DAPK2: variants seen among roughly 807,000 people sequenced by gnomAD.
DAPK2 encodes death associated protein kinase 2, also known as death-associated protein kinase 2.
In DAPK2, 35 loss-of-function variants were observed where a neutral mutation model predicts 44.1. That is an observed-to-expected ratio of 0.79 (90% CI 0.61 to 1.05). The LOEUF is 1.05. Ranked by LOEUF, DAPK2 falls within the 50% of genes least tolerant of loss-of-function variation. The probability of loss-of-function intolerance (pLI) is 0.00; values close to 1 mark genes in which losing one functional copy is unlikely to be tolerated. For synonymous variants in DAPK2, 174 were observed against 182.6 expected (o/e 0.95, Z 0.38); for missense variants, 453 against 483.2 (o/e 0.94, Z 0.59).
upstream of DAPK2, among the ~76,000 whole-genome samples, chr15:64,044,411 C>T (rs952705756): frequency 6.6e-6 from 1 of 152,144 alleles, no homozygotes; most frequent in Non-Finnish European, 1.5e-5. Flanking sequence ...CAGAGCAGTT[C>T]CACGTTATCC....
intron 1 of DAPK2, among the ~76,000 whole-genome samples, chr15:64,011,735 CA>C (rs2079395710): frequency 1.3e-5 from 2 of 152,180 alleles, no homozygotes; most frequent in South Asian, 4.1e-4. Flanking sequence ...TAAATTTAAG[CA>C]GTCAGATGTT....
chr15:64,044,590 G>C (rs1251233376), upstream of DAPK2, among the ~76,000 whole-genome samples: 2 of 152,142 alleles, frequency 1.3e-5, no homozygotes, highest in African/African-American at 2.4e-5. Context: ...TCTTCCCAGG[G>C]CTTCTTCTGT....
At chr15:64,016,029 G>A (rs2079516819) in intron 1 of DAPK2, among the ~76,000 whole-genome samples, 1 of 152,220 alleles carries the variant, frequency 6.6e-6, no homozygotes, top group Non-Finnish European at 1.5e-5. Context: ...GGAAGGCTTG[G>A]GTTCTTCAGG....
intron 3 of DAPK2, among the ~76,000 whole-genome samples, chr15:63,949,367 C>G (rs1233044393): frequency 6.6e-6 from 1 of 152,212 alleles, no homozygotes; most frequent in Non-Finnish European, 1.5e-5. Context: ...CATTCCAGGA[C>G]CACTGGCTTT....
chr15:63,950,107 A>G (rs1402610461), intron 3 of DAPK2, among the ~76,000 whole-genome samples: 3 of 152,228 alleles, frequency 2.0e-5, no homozygotes, highest in African/African-American at 4.8e-5. Flanking sequence ...AGGTTTTAGT[A>G]TGGAAATAGC....
rs569556549 is a variant in DAPK2, at chr15:64,022,495, C to T, written c.92+17675G>A. 1.3e-3 allele frequency among the ~76,000 whole-genome samples: 200 copies of T among 152,262 alleles called. 1 individual carries two copies. The highest frequency in any genetic ancestry group is 4.7e-3 in the African/African-American group (195 of 41,534). Reference sequence around the variant, plus strand: ...GGTGACTACTTCCGTAAAGAACTGACCACTTAAAATGTTTAAATGATCCTA... The same window carrying T: ...GGTGACTACTTCCGTAAAGAACTGATCACTTAAAATGTTTAAATGATCCTA... On this transcript the variant is annotated intron_variant, in intron 1 of 10. Coordinates refer to ENST00000261891, the Ensembl canonical transcript of DAPK2.
At chr15:63,929,343 C>T (rs1236297608) in intron 6 of DAPK2, among the ~76,000 whole-genome samples, 3 of 152,144 alleles carry the variant, frequency 2.0e-5, no homozygotes, top group African/African-American at 7.2e-5. Context: ...GAGGCTGCTC[C>T]CCTGGATGCC....
rs184595343 is a variant in DAPK2, at chr15:64,012,453, G to A, written c.92+27717C>T. On this transcript the variant is annotated intron_variant, in intron 1 of 10. Transcript: ENST00000261891. ...GAACCATACTTGGCAGACAGCAGAT[G>A]AGTAAATGAGGTATGCAGATGTATG... 9.2e-5 allele frequency among the ~76,000 whole-genome samples: 14 copies of A among 152,336 alleles called. No individual in the cohort carries two copies. In the East Asian group the frequency reaches 2.7e-3, roughly 29 times the overall value.
At chr15:63,982,430 T>C (rs960427606) in intron 2 of DAPK2, among the ~76,000 whole-genome samples, 10 of 152,088 alleles carry the variant, frequency 6.6e-5, no homozygotes, top group Admixed American at 2.0e-4. Flanking sequence ...CCTTGTGATC[T>C]GCCCGCCTTG....
At chr15:63,953,093 A>C (rs2077634715) in intron 3 of DAPK2, among the ~76,000 whole-genome samples, 1 of 152,066 alleles carries the variant, frequency 6.6e-6, no homozygotes, top group South Asian at 2.1e-4. Context: ...TGAGTAGTAT[A>C]CAATGAACCC....
At chr15:63,961,883 T>C (rs1172939781) in intron 3 of DAPK2, among the ~76,000 whole-genome samples, 1 of 152,246 alleles carries the variant, frequency 6.6e-6, no homozygotes, top group African/African-American at 2.4e-5. Flanking sequence ...AATTTGAATG[T>C]TGGCCTGTCT....
At chr15:63,967,757 G>T (rs1230881710) in intron 3 of DAPK2, among the ~76,000 whole-genome samples, 2 of 152,200 alleles carry the variant, frequency 1.3e-5, no homozygotes, top group Non-Finnish European at 2.9e-5. Flanking sequence ...GGTGAGCAGG[G>T]ACAGAGCCTG....
chr15:63,999,565 G>A (rs189785626), intron 1 of DAPK2, among the ~76,000 whole-genome samples: 27 of 152,200 alleles, frequency 1.8e-4, no homozygotes, highest in Admixed American at 1.7e-3. Context: ...CCATCAGTAG[G>A]GGTCTTTTCC....
chr15:64,046,264 C>T lies in DAPK2; in HGVS notation c.-7+34G>A. The T allele has an allele frequency of 1.0e-6, 1 of 952,538 alleles. No homozygotes were observed. The highest frequency in any genetic ancestry group is 1.2e-6 in the Non-Finnish European group (1 of 800,406). The allele number at this position is 952,538 out of a possible 1,614,324, so 59.0% of individuals were successfully genotyped here. On this transcript the variant is annotated intron_variant, in intron 1 of 11. Transcript: ENST00000457488. The surrounding 1 kb of genome is among the most constrained non-coding windows in gnomAD (Gnocchi z 5.3). Reference sequence around the variant, plus strand: ...CTGCCGTCAGGCCGCGCGCCCCGTCCCGCCCATCGAGCCCGCAGACGGGTG... The same window carrying T: ...CTGCCGTCAGGCCGCGCGCCCCGTCTCGCCCATCGAGCCCGCAGACGGGTG...
In DAPK2 at chr15:64,019,760, G is replaced by A. The variant is rs141101792; in HGVS notation, c.92+20410C>T. On this transcript the variant is annotated intron_variant, in intron 1 of 10. Coordinates refer to ENST00000261891, the Ensembl canonical transcript of DAPK2. ...TAAGCCAGCCAGACAGTGCAGACAG[G>A]AAAGCAGCTGTTAATTGCCCATGGA... 6.4e-4 allele frequency among the ~76,000 whole-genome samples: 97 copies of A among 152,292 alleles called. 4 individuals carry two copies. Among genetic ancestry groups the A allele is most frequent in the African/African-American group, 2.3e-3 (95 of 41,562 alleles).
intron 4 of DAPK2, chr15:63,935,770 T>C (rs1245796832): frequency 6.6e-6 from 1 of 152,206 alleles, no homozygotes; most frequent in Non-Finnish European, 1.5e-5. Context: ...CTATGATAAG[T>C]TTTCTTTTTA....
chr15:63,914,516 C>T (rs1008954845), intron 8 of DAPK2, among the ~76,000 whole-genome samples: 1 of 152,178 alleles, frequency 6.6e-6, no homozygotes, highest in Admixed American at 6.5e-5. Context: ...CTAGTCCCCC[C>T]CTGGAAGGGA....
At chr15:63,989,188 C>CCA (rs2078749401) in intron 1 of DAPK2, among the ~76,000 whole-genome samples, 1 of 109,842 alleles carries the variant, frequency 9.1e-6, no homozygotes, top group Non-Finnish European at 1.8e-5. Flanking sequence ...ACTTTGTCTC[C>CCA]AAAAAAAAAA....
intron 1 of DAPK2, among the ~76,000 whole-genome samples, chr15:63,992,343 C>T (rs2140915049): frequency 6.6e-6 from 1 of 151,856 alleles, no homozygotes; most frequent in Middle Eastern, 3.4e-3. Flanking sequence ...GAAGGTACCA[C>T]CCACCACCCA....
Sources: gnomAD v4.1 joint callset for allele counts (sites outside exome capture counted in the v4.1 genomes callset) on GRCh38, gnomAD v4.1.1 for gene constraint, Gnocchi (gnomAD v3.1) non-coding constraint, MANE v1.5 for transcripts, NCBI Gene and HGNC (gene_info 2026-07-23, HGNC 2026-07-21) for gene names.